Variants in IGF2BP3 observed in about 807,000 individuals in gnomAD.
IGF2BP3 encodes insulin-like growth factor 2 mRNA-binding protein 3.
A neutral mutation model predicts 73.8 loss-of-function variants in IGF2BP3; 9 were observed. The ratio of observed to expected loss-of-function variants is 0.12; its 90% CI spans 0.07 to 0.21. The LOEUF is 0.21. Ranked by LOEUF, IGF2BP3 falls within the 10% of genes least tolerant of loss-of-function variation. The probability of loss-of-function intolerance (pLI) is 1.00; values close to 1 mark genes in which losing one functional copy is unlikely to be tolerated. For synonymous variants in IGF2BP3, 258 were observed against 256.7 expected (o/e 1.01, Z -0.05); for missense variants, 542 against 714.0 (o/e 0.76, Z 2.75).
intron 3 of IGF2BP3, among the ~76,000 whole-genome samples, chr7:23,401,868 G>T (rs569203662): frequency 2.0e-5 from 3 of 152,226 alleles, no homozygotes; most frequent in Admixed American, 2.0e-4. Flanking sequence ...CAGGAATTTG[G>T]TTGGCTGAGA....
At chr7:23,370,533 C>G (rs1039225622) in intron 3 of IGF2BP3, among the ~76,000 whole-genome samples, 1 of 152,168 alleles carries the variant, frequency 6.6e-6, no homozygotes, top group Admixed American at 6.5e-5. Flanking sequence ...GCTGCACTAT[C>G]CCATAAACCT....
At chr7:23,404,172 T>A (rs1434480158) in intron 3 of IGF2BP3, among the ~76,000 whole-genome samples, 1 of 151,626 alleles carries the variant, frequency 6.6e-6, no homozygotes, top group Non-Finnish European at 1.5e-5. Context: ...GTTCGCATAT[T>A]GCTCTGCTCA....
Position 23,343,834 on chromosome 7 carries a change from A to G in IGF2BP3, c.961T>C (p.Tyr321His). Residue 321 changes from tyrosine to histidine, a missense_variant, in exon 9 of 15, where the codon TAT becomes CAT. Physicochemically the swap from Tyr to His is moderately conservative, Grantham distance 83 (BLOSUM62 2). Around this residue, in one of 2 missense-constraint regions of IGF2BP3, gnomAD observed 303 missense variants for 472.1 expected, o/e 0.64. Transcript: ENST00000258729. ...TISPLQELTL[Y>H]NPERTITVKG... Reference sequence around the variant, plus strand: ...ACTGTAATAGTGCGTTCTGGATTATACAGCGTCAATTCCTGCAATCTGCAG... The same window carrying G: ...ACTGTAATAGTGCGTTCTGGATTATGCAGCGTCAATTCCTGCAATCTGCAG... 1 of 1,612,534 alleles carries G rather than the reference A, an allele frequency of 6.2e-7. No homozygotes were observed. The highest frequency in any genetic ancestry group is 8.5e-7 in the Non-Finnish European group (1 of 1,179,692).
chr7:23,446,318 T>G (rs1384902227), intron 2 of IGF2BP3, among the ~76,000 whole-genome samples: 1 of 152,018 alleles, frequency 6.6e-6, no homozygotes, highest in Non-Finnish European at 1.5e-5. Context: ...TCCCAGCACT[T>G]TGGGAGACCA....
At chr7:23,430,316 C>G (rs968277138) in intron 2 of IGF2BP3, among the ~76,000 whole-genome samples, 2 of 152,216 alleles carry the variant, frequency 1.3e-5, no homozygotes, top group Non-Finnish European at 2.9e-5. Flanking sequence ...AACTCCTGAC[C>G]TCGTGATCCG....
intron 3 of IGF2BP3, among the ~76,000 whole-genome samples, chr7:23,372,866 C>A (rs1785601382): frequency 6.6e-6 from 1 of 152,164 alleles, no homozygotes; most frequent in Non-Finnish European, 1.5e-5. Context: ...CATGAGGCAA[C>A]ATTATTCCAT....
rs542641986 is a variant in IGF2BP3, at chr7:23,316,396, T to C, written c.1395+1243A>G. Among the ~76,000 whole-genome samples the C allele has an allele frequency of 2.2e-4, 34 of 152,226 alleles. 1 individual carries two copies. The highest frequency in any genetic ancestry group is 7.5e-4 in the African/African-American group (31 of 41,544). ...ACTTTAAGGCTAAAAAAACTAAGGC[T>C]TGGCCAGGAGCACAGTGGCTGATGC... On this transcript the variant is annotated intron_variant, in intron 12 of 14. Transcript: ENST00000258729.
intron 5 of IGF2BP3, among the ~76,000 whole-genome samples, chr7:23,355,038 A>ATGG (rs1309637278): frequency 1.3e-5 from 2 of 152,176 alleles, no homozygotes; most frequent in African/African-American, 4.8e-5. Context: ...TCTATGTCAT[A>ATGG]TGGTGATCTG....
At chr7:23,380,502 T>C (rs1039120207) in intron 3 of IGF2BP3, among the ~76,000 whole-genome samples, 6 of 152,116 alleles carry the variant, frequency 3.9e-5, no homozygotes, top group African/African-American at 1.2e-4. Flanking sequence ...GTGGCATCCA[T>C]GCAATTTAAT....
intron 2 of IGF2BP3, among the ~76,000 whole-genome samples, chr7:23,467,135 C>T (rs866450148): frequency 5.9e-5 from 9 of 152,270 alleles, no homozygotes; most frequent in Admixed American, 5.9e-4. Flanking sequence ...CTAAATCTAT[C>T]AGGTCACTCA....
chr7:23,351,150 C>A (rs1323217815), intron 6 of IGF2BP3, among the ~76,000 whole-genome samples, 155 bp downstream of exon 6: 1 of 152,088 alleles, frequency 6.6e-6, no homozygotes, highest in African/African-American at 2.4e-5. Flanking sequence ...GAAATGAACA[C>A]CAAGATACTG....
At chr7:23,436,258 A>G (rs1787806523) in intron 2 of IGF2BP3, among the ~76,000 whole-genome samples, 2 of 152,250 alleles carry the variant, frequency 1.3e-5, no homozygotes. Context: ...GTTTTTTAAT[A>G]TGTAATGATA....
chr7:23,444,552 C>CCAT (rs1405231211), intron 2 of IGF2BP3, among the ~76,000 whole-genome samples: 2 of 151,736 alleles, frequency 1.3e-5, no homozygotes, highest in African/African-American at 2.4e-5. Context: ...ACCATCCTGG[C>CCAT]CATCATGGTG....
At chr7:23,367,311 T>C (rs1226978492) in intron 3 of IGF2BP3, among the ~76,000 whole-genome samples, 5 of 152,098 alleles carry the variant, frequency 3.3e-5, no homozygotes, top group African/African-American at 2.4e-5. Context: ...AACAGGAAGA[T>C]AAGACAGTGT....
chr7:23,317,608 G>A (rs1245941492), intron 12 of IGF2BP3, 31 bp downstream of exon 12: 1 of 1,564,244 alleles, frequency 6.4e-7, no homozygotes. Context: ...TTTGTTACCT[G>A]TGGACATAGC....
intron 10 of IGF2BP3, among the ~76,000 whole-genome samples, chr7:23,336,558 T>A (rs1583902110): frequency 6.6e-6 from 1 of 151,640 alleles, no homozygotes; most frequent in Non-Finnish European, 1.5e-5. Flanking sequence ...CAGGCGGGAG[T>A]GCAGTGGCAC....
intron 3 of IGF2BP3, among the ~76,000 whole-genome samples, chr7:23,378,039 C>A (rs1785782457): frequency 6.6e-6 from 1 of 152,064 alleles, no homozygotes; most frequent in African/African-American, 2.4e-5. Flanking sequence ...GTGATACTTC[C>A]AAACCTTTAG....
chr7:23,462,130 T>G (rs1788462911), intron 2 of IGF2BP3, among the ~76,000 whole-genome samples: 1 of 152,158 alleles, frequency 6.6e-6, no homozygotes, highest in Non-Finnish European at 1.5e-5. Context: ...TGGACCTGAG[T>G]GGCACATGTG....
At chr7:23,342,468 A>G (rs1241662991) in intron 9 of IGF2BP3, among the ~76,000 whole-genome samples, 9 of 152,208 alleles carry the variant, frequency 5.9e-5, no homozygotes, top group Admixed American at 5.9e-4. Context: ...ACTAGCCCAC[A>G]GGACTTAGAC....
Sources: allele counts gnomAD v4.1 joint callset (sites outside exome capture counted in the v4.1 genomes callset), GRCh38; gene constraint gnomAD v4.1.1; regional missense constraint gnomAD v4.1.1; transcripts MANE v1.5; gene names NCBI Gene and HGNC (gene_info 2026-07-23, HGNC 2026-07-21).